Variants in ADAMTS12 observed in about 807,000 individuals in gnomAD.
ADAMTS12 encodes the protein ADAM metallopeptidase with thrombospondin type 1 motif 12, also known as A disintegrin and metalloproteinase with thrombospondin motifs 12.
ADAMTS12 carries 118 observed loss-of-function variants against 167.8 expected under a neutral mutation model. The observed-to-expected ratio is 0.70, with a 90% CI of 0.61 to 0.82. The LOEUF is 0.82. Ranked by LOEUF, ADAMTS12 falls within the 40% of genes least tolerant of loss-of-function variation. ADAMTS12 has a pLI of 0.00. For missense variants in ADAMTS12, 1,916 were observed against 1,998.8 expected, an observed-to-expected ratio of 0.96 and a Z score of 0.79; for synonymous variants, 704 against 716.9, an observed-to-expected ratio of 0.98 and a Z score of 0.29.
intron 7 of ADAMTS12, among the ~76,000 whole-genome samples, chr5:33,655,615 T>G (rs1741025555): frequency 6.9e-6 from 1 of 144,666 alleles, no homozygotes; most frequent in African/African-American, 2.6e-5. Context: ...ACTTTTTTTT[T>G]TTTAGTTTTA....
intron 3 of ADAMTS12, among the ~76,000 whole-genome samples, chr5:33,742,936 G>A (rs1018949495): frequency 3.3e-5 from 5 of 152,196 alleles, no homozygotes; most frequent in Admixed American, 1.3e-4. Flanking sequence ...AAATAACATC[G>A]GGTGATGACA....
chr5:33,678,057 G>A (rs1051247797), intron 5 of ADAMTS12, among the ~76,000 whole-genome samples: 2 of 152,032 alleles, frequency 1.3e-5, no homozygotes, highest in Non-Finnish European at 2.9e-5. Flanking sequence ...GAATAAGAAC[G>A]ACAAGAGTGA....
At chr5:33,529,919 A>C (rs1744012728) in intron 23 of ADAMTS12, among the ~76,000 whole-genome samples, 1 of 151,988 alleles carries the variant, frequency 6.6e-6, no homozygotes, top group African/African-American at 2.4e-5. Flanking sequence ...TTTCAGAGAG[A>C]GAGTACACGT....
At chr5:33,851,138 C>T (rs902554083) in intron 2 of ADAMTS12, among the ~76,000 whole-genome samples, 2 of 152,196 alleles carry the variant, frequency 1.3e-5, no homozygotes, top group Non-Finnish European at 2.9e-5. Flanking sequence ...GGAGGCCAGA[C>T]ACAGTGGCTC....
intron 2 of ADAMTS12, among the ~76,000 whole-genome samples, chr5:33,873,661 C>T (rs1750123997): frequency 6.6e-6 from 1 of 152,042 alleles, no homozygotes; most frequent in Non-Finnish European, 1.5e-5. Flanking sequence ...TCAAGATTTA[C>T]ATTAAAGGTA....
Position 33,760,879 on chromosome 5 carries a change from CTGTGTGTGTGTGTGTG to C in ADAMTS12, c.490-9347_490-9332del, listed in dbSNP as rs61110268. On this transcript the variant is annotated intron_variant, in intron 2 of 23. Coordinates refer to ENST00000504830, the MANE Select transcript of ADAMTS12 (RefSeq NM_030955.4). ...TTCTCATAATTTCTTTGTCTTTGCT[CTGTGTGTGTGTGTGTG>C]TGTGTGTGTGTGTGTGTGTGTGTGT... Among the ~76,000 whole-genome samples, 48 of 145,466 alleles carry C rather than the reference CTGTGTGTGTGTGTGTG, an allele frequency of 3.3e-4. 1 individual carries two copies. The highest frequency in any genetic ancestry group is 2.7e-3 in the Admixed American group (40 of 14,708).
chr5:33,573,330 C>G (rs1230552526), intron 19 of ADAMTS12, among the ~76,000 whole-genome samples: 1 of 152,178 alleles, frequency 6.6e-6, no homozygotes, highest in Admixed American at 6.5e-5. Context: ...AGAGGCATCA[C>G]GCTACCTGAC....
At chr5:33,767,934 T>C (rs968405981) in intron 2 of ADAMTS12, among the ~76,000 whole-genome samples, 2 of 151,966 alleles carry the variant, frequency 1.3e-5, no homozygotes, top group African/African-American at 4.8e-5. Flanking sequence ...AGTAGGAAAT[T>C]GGAAATTGCA....
At chr5:33,529,811 GTCTTCAGCTTTCCT>G (rs1744007600) in intron 23 of ADAMTS12, among the ~76,000 whole-genome samples, 1 of 152,108 alleles carries the variant, frequency 6.6e-6, no homozygotes. Flanking sequence ...CAAAATCTGA[GTCTTCAGCTTTCCT>G]TCTTCAGGCC....
chr5:33,549,413 T>C (rs528063410), intron 20 of ADAMTS12, 30 bp from the exon 21 acceptor site: 2 of 1,594,324 alleles, frequency 1.3e-6, no homozygotes, highest in African/African-American at 2.7e-5. Flanking sequence ...AAAGGCGATC[T>C]CTGAGTCATT....
At chr5:33,613,140 T>A (rs1738814438) in intron 16 of ADAMTS12, among the ~76,000 whole-genome samples, 1 of 152,166 alleles carries the variant, frequency 6.6e-6, no homozygotes, top group African/African-American at 2.4e-5. Context: ...TTTTGCTACA[T>A]CACCAATTCT....
At chr5:33,640,994 T>C (rs1333608024) in intron 11 of ADAMTS12, among the ~76,000 whole-genome samples, 2 of 151,780 alleles carry the variant, frequency 1.3e-5, no homozygotes, top group African/African-American at 4.8e-5. Flanking sequence ...TTTTAAAAAA[T>C]GTGACTCCTA....
chr5:33,691,595 T>G (rs1001526050), intron 3 of ADAMTS12, among the ~76,000 whole-genome samples: 1 of 152,152 alleles, frequency 6.6e-6, no homozygotes, highest in African/African-American at 2.4e-5. Flanking sequence ...AGGCGAGACA[T>G]GGAAGAGAGG....
At chr5:33,728,972 A>G (rs1158548499) in intron 3 of ADAMTS12, among the ~76,000 whole-genome samples, 1 of 152,264 alleles carries the variant, frequency 6.6e-6, no homozygotes, top group African/African-American at 2.4e-5. Flanking sequence ...ATATAAATGC[A>G]CATACATATA....
chr5:33,612,612 A>G (rs58085989), intron 16 of ADAMTS12, among the ~76,000 whole-genome samples: 28,010 of 152,204 alleles, frequency 0.18, 2,713 homozygotes, highest in South Asian at 0.33. Flanking sequence ...ATGACAAATC[A>G]ACAAAGTATT....
chr5:33,845,530 A>G (rs901208334), intron 2 of ADAMTS12, among the ~76,000 whole-genome samples: 1 of 152,246 alleles, frequency 6.6e-6, no homozygotes, highest in African/African-American at 2.4e-5. Flanking sequence ...ATTAGTACAG[A>G]CATAAGCATA....
At chr5:33,533,226 C>T (rs568996595) in intron 23 of ADAMTS12, among the ~76,000 whole-genome samples, 208 of 152,256 alleles carry the variant, frequency 1.4e-3, no homozygotes, top group Middle Eastern at 0.01. Flanking sequence ...AAATAACAAG[C>T]CCTAACACTA....
Position 33,863,410 on chromosome 5 carries a change from G to A in ADAMTS12, c.489+17709C>T, listed in dbSNP as rs190455290. Among the ~76,000 whole-genome samples, 44 of 152,256 alleles carry A rather than the reference G, an allele frequency of 2.9e-4. 1 individual carries two copies. In the East Asian group the frequency reaches 8.5e-3, roughly 29 times the overall value. ...CCTATACATCCATAATAGGCAAACAGAGAGCCAAATCATGAGTGAACTCCC... is the reference window on the plus strand; with the variant it reads ...CCTATACATCCATAATAGGCAAACAAAGAGCCAAATCATGAGTGAACTCCC... On this transcript the variant is annotated intron_variant, in intron 2 of 23. Transcript: ENST00000504830.
At chr5:33,836,096 G>A (rs1044584287) in intron 2 of ADAMTS12, among the ~76,000 whole-genome samples, 5 of 152,272 alleles carry the variant, frequency 3.3e-5, no homozygotes, top group African/African-American at 1.2e-4. Flanking sequence ...TCCTCAGCAG[G>A]TTAAGTTATC....
Sources: allele counts gnomAD v4.1 joint callset (sites outside exome capture counted in the v4.1 genomes callset), GRCh38; gene constraint gnomAD v4.1.1; transcripts MANE v1.5; gene names NCBI Gene and HGNC (gene_info 2026-07-23, HGNC 2026-07-21).